Variants in MGAT4C observed in about 807,000 individuals in gnomAD.
The protein encoded by MGAT4C is alpha-1,3-mannosyl-glycoprotein 4-beta-N-acetylglucosaminyltransferase C.
Under a neutral mutation model 40.1 loss-of-function variants are expected in MGAT4C, and 19 were observed. That is an observed-to-expected ratio of 0.47 (90% CI 0.33 to 0.70). The LOEUF (loss-of-function observed/expected upper bound fraction) is 0.70. Ranked by LOEUF, MGAT4C falls within the 30% of genes least tolerant of loss-of-function variation. The pLI is 0.02. For missense variants in MGAT4C, 491 were observed against 563.2 expected (o/e 0.87, Z 1.30); for synonymous variants, 181 against 187.1 (o/e 0.97, Z 0.27).
intron 2 of MGAT4C, among the ~76,000 whole-genome samples, chr12:86,522,269 T>C (rs2136360843): frequency 6.6e-6 from 1 of 152,288 alleles, no homozygotes; most frequent in Middle Eastern, 3.4e-3. Context: ...TATTTTGGGG[T>C]ATGTTCCTTC....
chr12:86,555,719 T>G (rs1959577685), intron 2 of MGAT4C, among the ~76,000 whole-genome samples: 1 of 152,202 alleles, frequency 6.6e-6, no homozygotes, highest in Admixed American at 6.5e-5. Context: ...ATCATATGCT[T>G]AATGCAGAGC....
intron 1 of MGAT4C, among the ~76,000 whole-genome samples, chr12:86,096,901 T>C (rs551639366): frequency 6.6e-5 from 10 of 151,710 alleles, no homozygotes; most frequent in Non-Finnish European, 1.0e-4. Context: ...AATGCTGATT[T>C]CCCTGTCTTC....
At chr12:86,537,057 T>C (rs1592962763) in intron 2 of MGAT4C, among the ~76,000 whole-genome samples, 1 of 152,202 alleles carries the variant, frequency 6.6e-6, no homozygotes, top group Non-Finnish European at 1.5e-5. Flanking sequence ...GATGAGTTCA[T>C]GTCCTTTGTA....
intron 1 of MGAT4C, among the ~76,000 whole-genome samples, chr12:86,189,341 C>A (rs73385303): frequency 0.021 from 3,247 of 151,834 alleles, 107 homozygotes; most frequent in African/African-American, 0.073. Flanking sequence ...TAACTGGATT[C>A]TCAAGATGTA....
chr12:86,667,034 A>T (rs1964126959), intron 2 of MGAT4C, among the ~76,000 whole-genome samples: 1 of 152,224 alleles, frequency 6.6e-6, no homozygotes, highest in South Asian at 2.1e-4. Context: ...TGTGACATGC[A>T]TAAATTGCTC....
At chr12:86,111,855 C>T (rs1406011473) in intron 1 of MGAT4C, among the ~76,000 whole-genome samples, 5 of 151,936 alleles carry the variant, frequency 3.3e-5, no homozygotes, top group South Asian at 4.1e-4. Flanking sequence ...AATATCTTTT[C>T]GATCTTTCTG....
intron 2 of MGAT4C, among the ~76,000 whole-genome samples, chr12:86,447,261 G>T (rs1240227326): frequency 6.6e-6 from 1 of 152,144 alleles, no homozygotes; most frequent in African/African-American, 2.4e-5. Context: ...GAGTAGCTGG[G>T]ATTACAGGCA....
chr12:86,146,534 G>A (rs562091304), intron 1 of MGAT4C, among the ~76,000 whole-genome samples: 22 of 151,834 alleles, frequency 1.4e-4, no homozygotes, highest in Admixed American at 9.8e-4. Flanking sequence ...TTTCTTTTCC[G>A]TGTTCTCTTA....
chr12:86,220,605 T>C (rs1950842393), intron 1 of MGAT4C, among the ~76,000 whole-genome samples: 1 of 152,190 alleles, frequency 6.6e-6, no homozygotes. Context: ...TCCTAATGCA[T>C]AAAGCATCCT....
At chr12:86,328,739 A>T (rs1954584137) in intron 4 of MGAT4C, among the ~76,000 whole-genome samples, 2 of 152,064 alleles carry the variant, frequency 1.3e-5, no homozygotes, top group African/African-American at 4.8e-5. Flanking sequence ...ATTATCTTTG[A>T]TTTGTTAGCT....
intron 1 of MGAT4C, among the ~76,000 whole-genome samples, chr12:86,105,320 C>G (rs1299517944): frequency 6.6e-6 from 1 of 152,058 alleles, no homozygotes; most frequent in Admixed American, 6.6e-5. Context: ...AAAAACAAAA[C>G]ATCATGAACA....
intron 1 of MGAT4C, among the ~76,000 whole-genome samples, chr12:86,163,416 G>A (rs150128228): frequency 1.3e-5 from 2 of 152,014 alleles, no homozygotes; most frequent in Admixed American, 1.3e-4. Flanking sequence ...GGTCTTGAAC[G>A]ACTGTCCTGA....
intron 1 of MGAT4C, among the ~76,000 whole-genome samples, chr12:86,204,741 A>G (rs839150): frequency 0.66 from 99,841 of 151,986 alleles, 33,273 homozygotes; most frequent in South Asian, 0.75. Context: ...TACAGGAAAG[A>G]TGTGTAAATG....
chr12:86,731,983 AAAG>A (rs1321156983), intron 1 of MGAT4C, among the ~76,000 whole-genome samples: 1 of 152,172 alleles, frequency 6.6e-6, no homozygotes, highest in African/African-American at 2.4e-5. Context: ...TTTTATGCTT[AAAG>A]GAGGGGCTAG....
At chr12:86,756,183 A>G (rs1369608865) in intron 1 of MGAT4C, among the ~76,000 whole-genome samples, 1 of 152,050 alleles carries the variant, frequency 6.6e-6, no homozygotes, top group Non-Finnish European at 1.5e-5. Context: ...CATTGTTTCA[A>G]AGTGTTCTTG....
intron 1 of MGAT4C, among the ~76,000 whole-genome samples, chr12:86,808,369 A>G (rs1012199741): frequency 5.9e-5 from 9 of 152,236 alleles, no homozygotes; most frequent in African/African-American, 2.2e-4. Flanking sequence ...ACATTAGTGT[A>G]AAAATTCTCA....
intron 3 of MGAT4C, among the ~76,000 whole-genome samples, chr12:86,364,023 A>C (rs2897272): frequency 0.73 from 110,825 of 151,256 alleles, 40,805 homozygotes; most frequent in East Asian, 0.91. Flanking sequence ...CAAAATAGAT[A>C]TCTTCAATGG....
At chr12:86,366,903 T>C (rs992208206) in intron 3 of MGAT4C, among the ~76,000 whole-genome samples, 2 of 152,122 alleles carry the variant, frequency 1.3e-5, no homozygotes, top group African/African-American at 2.4e-5. Context: ...AAAAATGTAT[T>C]TATAAAAATT....
At chr12:86,395,329 A>G in intron 3 of MGAT4C, among the ~76,000 whole-genome samples, 1 of 152,270 alleles carries the variant, frequency 6.6e-6, no homozygotes, top group East Asian at 1.9e-4. Flanking sequence ...TATTACTATA[A>G]TATTATTCAT....
Sources: allele counts gnomAD v4.1 joint callset (sites outside exome capture counted in the v4.1 genomes callset), GRCh38; gene constraint gnomAD v4.1.1; transcripts MANE v1.5; gene names NCBI Gene and HGNC (gene_info 2026-07-23, HGNC 2026-07-21).